HCFC2: variants seen among roughly 807,000 people sequenced by gnomAD.
The protein encoded by HCFC2 is host cell factor 2.
In HCFC2, 18 loss-of-function variants were observed where a neutral mutation model predicts 89.2. The observed-to-expected ratio is 0.20, with a 90% CI of 0.14 to 0.30. The LOEUF (loss-of-function observed/expected upper bound fraction) is 0.30. Among genes scored for constraint, HCFC2 ranks in the 10% least tolerant of loss-of-function variants. The probability of loss-of-function intolerance (pLI) is 1.00; values close to 1 mark genes in which losing one functional copy is unlikely to be tolerated. For synonymous variants in HCFC2, 308 were observed against 335.7 expected, an observed-to-expected ratio of 0.92 and a Z score of 0.90; for missense variants, 578 against 956.1, an observed-to-expected ratio of 0.60 and a Z score of 5.21.
At chr12:104,101,041 G>A (rs919978334) in intron 13 of HCFC2, among the ~76,000 whole-genome samples, 24 of 151,516 alleles carry the variant, frequency 1.6e-4, no homozygotes, top group African/African-American at 5.5e-4. Flanking sequence ...CTTAAAGTAC[G>A]AGAACACAGT....
chr12:104,072,111 G>A lies in HCFC2; in HGVS notation c.473+4004G>A, dbSNP rs151013783. ...GATTTGGCCAGGCATAGTGGCTCAC[G>A]CCCATAATCCCAGTACTTTGGGAGG... On this transcript the variant is annotated intron_variant, in intron 3 of 14. Transcript: ENST00000229330. Among the ~76,000 whole-genome samples the A allele has an allele frequency of 2.0e-4, 31 of 152,108 alleles. 1 individual carries two copies. The East Asian group carries it at 5.6e-3, about 27-fold the overall frequency.
chr12:104,078,271 G>T (rs1295209210), intron 3 of HCFC2, among the ~76,000 whole-genome samples: 1 of 152,190 alleles, frequency 6.6e-6, no homozygotes, highest in Non-Finnish European at 1.5e-5. Context: ...AAAGTGCTGG[G>T]ATTACAGGCG....
rs781540504 is a variant in HCFC2 at position 104,082,870 on chromosome 12, T to G, written c.1032T>G (p.Val344=). 6.2e-7 allele frequency: 1 copy of G among 1,607,178 alleles called. No homozygotes were observed. The highest frequency in any genetic ancestry group is 8.5e-7 in the Non-Finnish European group (1 of 1,178,198). The part of the protein sequence containing the change: ...DGYKKALNSQ[V]CCKDLWYLDT... ...ACAAAAAAGCACTGAATAGTCAAGTTTGCTGCAAGGATCTTTGGTATCTTG... is the reference window on the plus strand; with the variant it reads ...ACAAAAAAGCACTGAATAGTCAAGTGTGCTGCAAGGATCTTTGGTATCTTG... The change falls in exon 7 of 15, where the codon GTT becomes GTG. Residue 344 remains valine (V), a synonymous_variant. Transcript: ENST00000229330.
chr12:104,072,679 G>T (rs1302814977), intron 3 of HCFC2, among the ~76,000 whole-genome samples: 1 of 150,342 alleles, frequency 6.7e-6, no homozygotes, highest in Non-Finnish European at 1.5e-5. Context: ...GTCTCGCTCT[G>T]TCGCCCAGGC....
intron 3 of HCFC2, among the ~76,000 whole-genome samples, chr12:104,075,249 C>G (rs1015724700): frequency 2.6e-5 from 4 of 151,710 alleles, no homozygotes; most frequent in South Asian, 2.1e-4. Context: ...AGACAATTCT[C>G]TCTATCTTTA....
Position 104,103,063 on chromosome 12 carries a change from T to C in HCFC2, c.2169T>C (p.Asp723=), listed in dbSNP as rs1226064830. The change falls in exon 15 of 15, where the codon GAT becomes GAC. Residue 723 remains aspartate (D), a synonymous_variant. Coordinates refer to ENST00000229330, the MANE Select transcript of HCFC2 (RefSeq NM_013320.3). ...YLAIRTAQIQ[D]NPSQLVFMRI... ...CTATCCGCACAGCACAGATACAAGATAATCCAAGTCAACTTGTGTTCATGA... is the reference window on the plus strand; with the variant it reads ...CTATCCGCACAGCACAGATACAAGACAATCCAAGTCAACTTGTGTTCATGA... The C allele has an allele frequency of 1.2e-6, 2 of 1,614,108 alleles. No homozygotes were observed. The highest frequency in any genetic ancestry group is 8.5e-7 in the Non-Finnish European group (1 of 1,179,960).
chr12:104,088,257 T>A (rs751435481), intron 9 of HCFC2, among the ~76,000 whole-genome samples: 2 of 152,200 alleles, frequency 1.3e-5, no homozygotes, highest in Non-Finnish European at 2.9e-5. Flanking sequence ...GGTAGCTCTG[T>A]TTTTGAAGAA....
At position 104,104,724 on chromosome 12, in the gene HCFC2, A is replaced by G. The variant is rs1209703971; in HGVS notation, c.*1451A>G. 1.3e-5 allele frequency: 2 copies of G among 152,014 alleles called. No homozygotes were observed. The highest frequency in any genetic ancestry group is 6.6e-5 in the Admixed American group (1 of 15,252). The allele number at this position is 152,014 out of a possible 1,614,324, so 9.4% of individuals were successfully genotyped here. A position where few individuals can be genotyped will look rare whatever the true frequency, so the allele number is the denominator to read the frequency against. On this transcript the variant is annotated 3_prime_UTR_variant, in exon 15 of 15. Coordinates refer to ENST00000229330, the MANE Select transcript of HCFC2 (RefSeq NM_013320.3). ...ATTTTTGTAAAGAACTGGGATTTTT[A>G]TACTACAGTATTTGTAATTAATGTG...
chr12:104,073,469 G>T (rs971288887), intron 3 of HCFC2, among the ~76,000 whole-genome samples: 1 of 151,924 alleles, frequency 6.6e-6, no homozygotes, highest in Non-Finnish European at 1.5e-5. Context: ...AGCCCGCTTT[G>T]CCTTTTTTAA....
intron 3 of HCFC2, among the ~76,000 whole-genome samples, chr12:104,075,683 C>G (rs1363368400): frequency 1.3e-5 from 2 of 152,180 alleles, no homozygotes; most frequent in Non-Finnish European, 2.9e-5. Context: ...TGGTCTTGAA[C>G]TCCTGGCCTC....
intron 4 of HCFC2, 129 bp downstream of exon 4, chr12:104,079,782 G>A (rs1437062348): frequency 2.9e-6 from 2 of 686,454 alleles, no homozygotes; most frequent in South Asian, 3.6e-5. Flanking sequence ...CAGGGACAGT[G>A]TATGTGTGAT....
rs542053902 is a variant in HCFC2 at position 104,070,231 on chromosome 12, C to T, written c.473+2124C>T. Among the ~76,000 whole-genome samples the T allele has an allele frequency of 2.0e-4, 30 of 152,052 alleles. No individual in the cohort carries two copies. The South Asian group carries it at 5.6e-3, about 29-fold the overall frequency. On this transcript the variant is annotated intron_variant, in intron 3 of 14. Coordinates refer to ENST00000229330, the MANE Select transcript of HCFC2 (RefSeq NM_013320.3). ...TAGAGACTAACATGGGGTTTCACCG[C>T]GTTAGCCAGGATGGTCTCGATCTCC...
chr12:104,071,900 C>T (rs933126968), intron 3 of HCFC2, among the ~76,000 whole-genome samples: 15 of 152,214 alleles, frequency 9.9e-5, no homozygotes, highest in Admixed American at 6.5e-4. Context: ...TTGCATTTCT[C>T]TAATGACTAA....
chr12:104,089,093 C>T (rs558746951), intron 9 of HCFC2, among the ~76,000 whole-genome samples: 1 of 152,166 alleles, frequency 6.6e-6, no homozygotes, highest in Admixed American at 6.5e-5. Flanking sequence ...CCCTGTGGAA[C>T]CTGCAAATGC....
At chr12:104,093,636 A>G (rs1365533702) in intron 10 of HCFC2, 73 bp downstream of exon 10, 4 of 1,319,620 alleles carry the variant, frequency 3.0e-6, no homozygotes, top group Non-Finnish European at 4.2e-6. Context: ...TGAAAAAGTA[A>G]ATGTTGTACA....
At position 104,082,910 on chromosome 12, in the gene HCFC2, G is replaced by T; in HGVS notation, c.1063+9G>T. 1 of 1,577,978 alleles carries T rather than the reference G, an allele frequency of 6.3e-7. No homozygotes were observed. ...TTGGTATCTTGATACTGGTAGGTAA[G>T]AATATTTAACAAATAAACTTTTTCC... On this transcript the variant is annotated intron_variant, in intron 7 of 14. Coordinates refer to ENST00000229330, the MANE Select transcript of HCFC2 (RefSeq NM_013320.3).
At position 104,103,349 on chromosome 12, in the gene HCFC2, G is replaced by T; in HGVS notation, c.*76G>T. The T allele has an allele frequency of 8.2e-7, 1 of 1,220,340 alleles. No homozygotes were observed. Among genetic ancestry groups the T allele is most frequent in the Non-Finnish European group, 1.2e-6 (1 of 867,354 alleles). The allele number at this position is 1,220,340 out of a possible 1,614,324, so 75.6% of individuals were successfully genotyped here. ...GGTTATGAAGATTTGTCATTTAAAA[G>T]AGTATTCTCTGGCTGTATTTCCAGC... On this transcript the variant is annotated 3_prime_UTR_variant, in exon 15 of 15. Transcript: ENST00000229330.
chr12:104,065,066 C>A, intron 1 of HCFC2: 182 of 196,124 alleles, frequency 9.3e-4, no homozygotes, highest in East Asian at 2.1e-3. Context: ...TCGCCTCTGT[C>A]AAAAAACAAA....
chr12:104,087,757 T>C (rs1883911641), intron 8 of HCFC2, among the ~76,000 whole-genome samples: 1 of 152,058 alleles, frequency 6.6e-6, no homozygotes, highest in African/African-American at 2.4e-5. Flanking sequence ...CTTAGCTTTT[T>C]TCAAAAGTAT....
Sources: allele counts gnomAD v4.1 joint callset (sites outside exome capture counted in the v4.1 genomes callset), GRCh38; gene constraint gnomAD v4.1.1; transcripts MANE v1.5; gene names NCBI Gene and HGNC (gene_info 2026-07-23, HGNC 2026-07-21).